The following ADGRL2 variants were observed in gnomAD, a reference collection of about 807,000 sequenced individuals.
The protein encoded by ADGRL2 is calcium-independent alpha-latrotoxin receptor 2.
In ADGRL2, 44 loss-of-function variants were observed where a neutral mutation model predicts 157.4. The observed-to-expected ratio is 0.28, with a 90% CI of 0.22 to 0.36. The LOEUF is 0.36. ADGRL2 is among the 10% of genes least tolerant of loss of function. The pLI is 1.00. For synonymous variants in ADGRL2, 585 were observed against 624.7 expected (o/e 0.94, Z 0.95); for missense variants, 1,510 against 1,768.9 (o/e 0.85, Z 2.63).
chr1:81,719,551 T>A (rs576714506), intron 1 of ADGRL2, among the ~76,000 whole-genome samples: 2 of 152,328 alleles, frequency 1.3e-5, no homozygotes, highest in South Asian at 4.1e-4. Flanking sequence ...AAATCTTAAG[T>A]TACTTAGCCA....
At chr1:81,538,414 T>G (rs1284323541) in intron 2 of ADGRL2, among the ~76,000 whole-genome samples, 1 of 152,186 alleles carries the variant, frequency 6.6e-6, no homozygotes, top group Non-Finnish European at 1.5e-5. Context: ...AGTCATCATC[T>G]TTGTCATTAG....
chr1:81,919,234 T>G (rs1283291225), intron 3 of ADGRL2, among the ~76,000 whole-genome samples: 1 of 151,848 alleles, frequency 6.6e-6, no homozygotes, highest in Non-Finnish European at 1.5e-5. Context: ...ACTAAAACAT[T>G]TATTTATTTA....
chr1:81,723,568 C>T (rs182392530), intron 1 of ADGRL2, among the ~76,000 whole-genome samples: 13 of 152,134 alleles, frequency 8.5e-5, no homozygotes, highest in South Asian at 2.1e-4. Flanking sequence ...TTTATTAGTG[C>T]GAGGCAAACT....
chr1:81,943,848 T>C lies in ADGRL2; in HGVS notation c.1210+79T>C, dbSNP rs1461753131. On this transcript the variant is annotated intron_variant, in intron 6 of 23. Coordinates refer to ENST00000686636, the MANE Select transcript of ADGRL2 (RefSeq NM_001366006.2). This position sits in a 1 kb window ranked among gnomAD's most constrained non-coding sequence, Gnocchi z 5.6. ...TTTTAAAGACTTCTTAATTTTTTTT[T>C]CCTATTTTCTTCCCCTTTTCATAGT... The C allele has an allele frequency of 1.8e-6, 2 of 1,127,824 alleles. No individual in the cohort carries two copies. The highest frequency in any genetic ancestry group is 2.5e-6 in the Non-Finnish European group (2 of 784,594). The allele number at this position is 1,127,824 out of a possible 1,614,324, so 69.9% of individuals were successfully genotyped here.
chr1:81,962,593 T>C (rs1572391526), intron 11 of ADGRL2, among the ~76,000 whole-genome samples: 1 of 152,268 alleles, frequency 6.6e-6, no homozygotes, highest in Admixed American at 6.5e-5. Flanking sequence ...CTACATTGAG[T>C]TTATAAGGAT....
At chr1:81,564,834 A>G (rs1431453557) in intron 2 of ADGRL2, among the ~76,000 whole-genome samples, 1 of 152,146 alleles carries the variant, frequency 6.6e-6, no homozygotes, top group East Asian at 1.9e-4. Context: ...AGTTGACTCT[A>G]GTCTATATGT....
intron 2 of ADGRL2, among the ~76,000 whole-genome samples, chr1:81,906,004 G>T (rs1335589498): frequency 6.7e-6 from 1 of 150,130 alleles, no homozygotes; most frequent in African/African-American, 2.5e-5. Flanking sequence ...AAAAGTTTAT[G>T]AACTTGTTGG....
intron 2 of ADGRL2, among the ~76,000 whole-genome samples, chr1:81,902,462 G>T (rs1043574705): frequency 6.6e-6 from 1 of 152,094 alleles, no homozygotes; most frequent in African/African-American, 2.4e-5. Flanking sequence ...GCCGGTCATG[G>T]TGGTGCGCAC....
rs1258495502 is a variant in ADGRL2 at position 81,990,581 on chromosome 1, A to T, written c.3846A>T (p.Leu1282Phe). 1.2e-6 allele frequency: 2 copies of T among 1,614,060 alleles called. No homozygotes were observed. Among genetic ancestry groups the T allele is most frequent in the Non-Finnish European group, 1.7e-6 (2 of 1,180,030 alleles). The part of the protein sequence containing the change: ...MIISELVHNN[L>F]RGSSKTHNLE... ...TTTCAGAATTAGTGCACAACAACTT[A>T]CGGGGCAGCAGCAAGACTCACAACC... Residue 1282 changes from leucine (L) to phenylalanine (F), a missense_variant, in exon 24 of 24, where the codon TTA becomes TTT. Physicochemically the swap from Leu to Phe is conservative, Grantham distance 22. Transcript: ENST00000686636.
At chr1:81,433,060 C>T (rs766831332) in intron 1 of ADGRL2, among the ~76,000 whole-genome samples, 1 of 152,120 alleles carries the variant, frequency 6.6e-6, no homozygotes, top group Admixed American at 6.5e-5. Context: ...TTAATGCTAT[C>T]AGGCTACAGA....
chr1:81,307,759 C>A (rs1008911764), intron 1 of ADGRL2, among the ~76,000 whole-genome samples: 1 of 151,148 alleles, frequency 6.6e-6, no homozygotes, highest in Non-Finnish European at 1.5e-5. Context: ...TAGTGAAGTT[C>A]GAAGGAAAAA....
chr1:81,664,009 T>C (rs906401144), intron 3 of ADGRL2, among the ~76,000 whole-genome samples: 10 of 152,214 alleles, frequency 6.6e-5, no homozygotes, highest in Admixed American at 1.3e-4. Context: ...GTATACTGTA[T>C]ATTCTGCTGC....
At chr1:81,420,887 C>T (rs2077112248) in intron 1 of ADGRL2, among the ~76,000 whole-genome samples, 1 of 152,150 alleles carries the variant, frequency 6.6e-6, no homozygotes, top group East Asian at 1.9e-4. Flanking sequence ...TAAATATCAG[C>T]TGAGTAAAAG....
In ADGRL2 at chr1:81,815,812, A is replaced by G. The variant is rs147157798; in HGVS notation, c.-101+14744A>G. Reference sequence around the variant, plus strand: ...AAGTCCTCTGACATTTCAGCTTGGAAACCTGTCATTGGTTTCTTAAAATTA... The same window carrying G: ...AAGTCCTCTGACATTTCAGCTTGGAGACCTGTCATTGGTTTCTTAAAATTA... On this transcript the variant is annotated intron_variant, in intron 1 of 23. Coordinates refer to ENST00000686636, the MANE Select transcript of ADGRL2 (RefSeq NM_001366006.2). Among the ~76,000 whole-genome samples, 4 of 151,944 alleles carry G rather than the reference A, an allele frequency of 2.6e-5. No individual in the cohort carries two copies. The East Asian group carries it at 7.7e-4, about 29-fold the overall frequency.
At chr1:81,654,581 A>T (rs181496724) in intron 3 of ADGRL2, among the ~76,000 whole-genome samples, 1,856 of 152,320 alleles carry the variant, frequency 0.012, 23 homozygotes, top group Non-Finnish European at 0.021. Flanking sequence ...CAACTAAAAA[A>T]TGTCAAAACT....
At chr1:81,426,157 A>G (rs12567683) in intron 1 of ADGRL2, among the ~76,000 whole-genome samples, 6 of 152,220 alleles carry the variant, frequency 3.9e-5, no homozygotes, top group East Asian at 1.9e-4. Context: ...ATGTAGAATT[A>G]TGGTTGGACA....
chr1:81,372,825 A>C (rs536738391), intron 1 of ADGRL2, among the ~76,000 whole-genome samples: 5 of 152,276 alleles, frequency 3.3e-5, no homozygotes, highest in Admixed American at 2.0e-4. Context: ...ATGTACTCCC[A>C]TATTATTTTG....
chr1:81,707,384 A>C (rs1051221196), intron 1 of ADGRL2, among the ~76,000 whole-genome samples: 2 of 152,080 alleles, frequency 1.3e-5, no homozygotes, highest in African/African-American at 4.8e-5. Flanking sequence ...GTCTATCCTC[A>C]TAGGAGAATG....
chr1:81,809,281 G>A (rs987520646), intron 1 of ADGRL2, among the ~76,000 whole-genome samples: 4 of 151,970 alleles, frequency 2.6e-5, no homozygotes, highest in African/African-American at 9.7e-5. Flanking sequence ...GGTAGATTTA[G>A]TACTTTAATA....
Sources: gnomAD v4.1 joint callset for allele counts (sites outside exome capture counted in the v4.1 genomes callset) on GRCh38, gnomAD v4.1.1 for gene constraint, Gnocchi (gnomAD v3.1) non-coding constraint, MANE v1.5 for transcripts, NCBI Gene and HGNC (gene_info 2026-07-23, HGNC 2026-07-21) for gene names.